The following NRG1 variants were observed in gnomAD, a reference collection of about 807,000 sequenced individuals.
NRG1 encodes neuregulin 1, also known as pro-neuregulin-1, membrane-bound isoform.
NRG1 carries 18 observed loss-of-function variants against 63.8 expected under a neutral mutation model. The ratio of observed to expected loss-of-function variants is 0.28; its 90% CI spans 0.19 to 0.42. The LOEUF (loss-of-function observed/expected upper bound fraction) is 0.42, where lower values mean the gene tolerates loss of function less well. Among genes scored for constraint, NRG1 ranks in the 10% least tolerant of loss-of-function variants. NRG1 has a pLI of 1.00. For missense variants in NRG1, 762 were observed against 814.7 expected (o/e 0.94, Z 0.79); for synonymous variants, 302 against 301.3 (o/e 1.00, Z -0.02).
intron 1 of NRG1, among the ~76,000 whole-genome samples, chr8:32,182,685 A>C (rs1157445641): frequency 6.6e-6 from 1 of 152,224 alleles, no homozygotes; most frequent in Non-Finnish European, 1.5e-5. Context: ...TGTCTTGGGA[A>C]AAGGCAGGTG....
intron 1 of NRG1, among the ~76,000 whole-genome samples, chr8:32,143,832 CAT>C (rs1836563136): frequency 6.6e-6 from 1 of 152,242 alleles, no homozygotes. Context: ...AAAATATGTA[CAT>C]GTTAGGCTCT....
chr8:32,392,757 T>C (rs959922220), intron 1 of NRG1, among the ~76,000 whole-genome samples: 5 of 152,206 alleles, frequency 3.3e-5, no homozygotes, highest in African/African-American at 1.2e-4. Context: ...ATGATGTGTT[T>C]GATGATTTGG....
intron 1 of NRG1, among the ~76,000 whole-genome samples, chr8:32,100,357 T>TTGA (rs1830415416): frequency 6.6e-6 from 1 of 152,150 alleles, no homozygotes; most frequent in African/African-American, 2.4e-5. Flanking sequence ...CTCCTTTGAT[T>TTGA]TGATCATCAC....
chr8:32,259,792 C>A (rs752767260), intron 1 of NRG1, among the ~76,000 whole-genome samples: 1 of 152,152 alleles, frequency 6.6e-6, no homozygotes, highest in Non-Finnish European at 1.5e-5. Context: ...TACCCTTGTT[C>A]CAGTTTACAT....
At position 32,493,985 on chromosome 8, in the gene NRG1, GA is replaced by G. The variant is rs566404667; in HGVS notation, c.38-101842del. The stretch of plus-strand genomic sequence containing the variant: ...ATAATGAAAAAGGAAACACAAAAAT[GA>G]TTTTTTTTTCCTTAATAAGCAGTCA... On this transcript the variant is annotated intron_variant, in intron 1 of 10. Transcript: ENST00000519301. Among the ~76,000 whole-genome samples the G allele has an allele frequency of 9.4e-3, 1,429 of 152,106 alleles. 24 individuals carry two copies. Among genetic ancestry groups the G allele is most frequent in the Admixed American group, 0.045 (685 of 15,276 alleles).
intron 1 of NRG1, among the ~76,000 whole-genome samples, chr8:32,415,368 A>G (rs1224362159): frequency 1.4e-5 from 2 of 146,484 alleles, no homozygotes; most frequent in Non-Finnish European, 3.0e-5. Context: ...TCTGTCTCAA[A>G]AAAAAAAAAA....
At chr8:32,321,053 G>A (rs1469763200) in intron 1 of NRG1, among the ~76,000 whole-genome samples, 1 of 151,946 alleles carries the variant, frequency 6.6e-6, no homozygotes, top group Non-Finnish European at 1.5e-5. Context: ...TTCTTCTCAG[G>A]AATATCCTAT....
chr8:31,823,437 A>G (rs1269875255), intron 1 of NRG1, among the ~76,000 whole-genome samples: 1 of 152,146 alleles, frequency 6.6e-6, no homozygotes, highest in African/African-American at 2.4e-5. Context: ...GCTGGCTGGA[A>G]GCCTGAATAC....
chr8:32,672,838 G>A (rs968776466), intron 5 of NRG1, among the ~76,000 whole-genome samples: 1 of 151,990 alleles, frequency 6.6e-6, no homozygotes, highest in African/African-American at 2.4e-5. Context: ...AGAGAATGTT[G>A]AGAAAAAAAC....
At chr8:32,116,605 T>C (rs1355982459) in intron 1 of NRG1, among the ~76,000 whole-genome samples, 1 of 152,130 alleles carries the variant, frequency 6.6e-6, no homozygotes. Context: ...TCCTCATAAG[T>C]GCCTGTCAGA....
intron 1 of NRG1, among the ~76,000 whole-genome samples, chr8:32,541,583 A>T (rs1448029639): frequency 1.3e-5 from 2 of 152,088 alleles, no homozygotes; most frequent in Non-Finnish European, 2.9e-5. Context: ...ATCACTCATG[A>T]CATTCAATTT....
At chr8:31,805,260 T>C (rs1822155833) in intron 1 of NRG1, among the ~76,000 whole-genome samples, 1 of 152,008 alleles carries the variant, frequency 6.6e-6, no homozygotes, top group Non-Finnish European at 1.5e-5. Flanking sequence ...TTGTCTTATT[T>C]GTGCTTTAAA....
intron 1 of NRG1, among the ~76,000 whole-genome samples, chr8:32,285,180 A>C (rs1853382306): frequency 6.6e-6 from 1 of 152,192 alleles, no homozygotes; most frequent in Non-Finnish European, 1.5e-5. Flanking sequence ...GCATTATAAA[A>C]TCAGGCATTC....
intron 1 of NRG1, among the ~76,000 whole-genome samples, chr8:32,272,663 A>G (rs1233904937): frequency 6.6e-6 from 1 of 152,180 alleles, no homozygotes; most frequent in African/African-American, 2.4e-5. Flanking sequence ...GCAAGAGGCT[A>G]GTAAGGGGTG....
At chr8:32,702,340 C>T (rs1417893695) in intron 5 of NRG1, among the ~76,000 whole-genome samples, 1 of 152,126 alleles carries the variant, frequency 6.6e-6, no homozygotes. Context: ...TTCACATGTG[C>T]CTAATAGGCA....
intron 1 of NRG1, among the ~76,000 whole-genome samples, chr8:31,875,462 G>A (rs544079789): frequency 6.6e-6 from 1 of 152,278 alleles, no homozygotes; most frequent in Admixed American, 6.5e-5. Flanking sequence ...CTGTCAACTT[G>A]TGCTTTTGAG....
At chr8:32,529,466 A>G (rs1213211253) in intron 1 of NRG1, among the ~76,000 whole-genome samples, 3 of 152,158 alleles carry the variant, frequency 2.0e-5, no homozygotes, top group Non-Finnish European at 4.4e-5. Flanking sequence ...CCTAATTACT[A>G]TATCTTTTCA....
Position 32,462,728 on chromosome 8 carries a change from C to T in NRG1, c.38-133100C>T, listed in dbSNP as rs141153523. Among the ~76,000 whole-genome samples the T allele has an allele frequency of 8.5e-3, 1,282 of 151,250 alleles. 21 individuals are homozygous for T. The highest frequency in any genetic ancestry group is 0.03 in the African/African-American group (1,220 of 41,202). On this transcript the variant is annotated intron_variant, in intron 1 of 10. Coordinates refer to the NRG1 transcript ENST00000519301. ...AGATGATTCTCCTGCCTCAGCCTGCCGAGTAGCTGGGATTACAGGCATGCA... is the reference window on the plus strand; with the variant it reads ...AGATGATTCTCCTGCCTCAGCCTGCTGAGTAGCTGGGATTACAGGCATGCA...
At chr8:32,669,140 G>T (rs1049326202) in intron 5 of NRG1, among the ~76,000 whole-genome samples, 2 of 152,162 alleles carry the variant, frequency 1.3e-5, no homozygotes, top group Non-Finnish European at 2.9e-5. Context: ...CATTGTTCTG[G>T]ATAGATGCTC....
Sources: allele counts gnomAD v4.1 joint callset (sites outside exome capture counted in the v4.1 genomes callset), GRCh38; gene constraint gnomAD v4.1.1; transcripts MANE v1.5; gene names NCBI Gene and HGNC (gene_info 2026-07-23, HGNC 2026-07-21).